PTPN3: variants seen among roughly 807,000 people sequenced by gnomAD.
PTPN3 encodes protein tyrosine phosphatase non-receptor type 3, also known as tyrosine-protein phosphatase non-receptor type 3.
A neutral mutation model predicts 132.7 loss-of-function variants in PTPN3; 96 were observed. The ratio of observed to expected loss-of-function variants is 0.72; its 90% CI spans 0.61 to 0.86. PTPN3 has a LOEUF of 0.86. Among genes scored for constraint, PTPN3 ranks in the 40% least tolerant of loss-of-function variants. The pLI, the probability that PTPN3 is intolerant of heterozygous loss-of-function variation, is 0.00. For missense variants in PTPN3, 1,125 were observed against 1,159.6 expected, an observed-to-expected ratio of 0.97 and a Z score of 0.43; for synonymous variants, 398 against 429.0, an observed-to-expected ratio of 0.93 and a Z score of 0.89.
At chr9:109,442,109 G>C (rs1844518755) in intron 7 of PTPN3, among the ~76,000 whole-genome samples, 1 of 151,832 alleles carries the variant, frequency 6.6e-6, no homozygotes, top group Admixed American at 6.6e-5. Flanking sequence ...GCACAGTGGT[G>C]CAATTATGGC....
At chr9:109,518,706 C>G in the PTPN3 span, among the ~76,000 whole-genome samples, 1 of 152,138 alleles carries the variant, frequency 6.6e-6, no homozygotes, top group Admixed American at 6.5e-5. Context: ...AAGTAAAGCT[C>G]TGGCTGGTAT....
At chr9:109,527,867 C>T in the PTPN3 span, among the ~76,000 whole-genome samples, 2 of 152,012 alleles carry the variant, frequency 1.3e-5, no homozygotes, top group African/African-American at 2.4e-5. Context: ...CACATATATC[C>T]GACAGAGGAC....
the PTPN3 span, among the ~76,000 whole-genome samples, chr9:109,517,618 G>A: frequency 6.6e-6 from 1 of 152,198 alleles, no homozygotes; most frequent in Non-Finnish European, 1.5e-5. Context: ...TTTTGATTTA[G>A]TAGGTCTGGG....
At chr9:109,473,489 C>G (rs933803374) in intron 1 of PTPN3, among the ~76,000 whole-genome samples, 3 of 152,086 alleles carry the variant, frequency 2.0e-5, no homozygotes, top group Non-Finnish European at 4.4e-5. Flanking sequence ...TTGATCCTGG[C>G]AGGGTAAGAA....
chr9:109,449,541 G>A (rs990668107), intron 5 of PTPN3: 36 of 985,426 alleles, frequency 3.7e-5, no homozygotes, highest in South Asian at 4.7e-5. Flanking sequence ...CCCTCAGCCT[G>A]TGACTTTGCT....
Position 109,438,249 on chromosome 9 carries a change from G to C in PTPN3, c.467-15C>G, listed in dbSNP as rs758132534. ...TCCAAAATGAGCTATCAAGACAGAA[G>C]AAGGGGAAAATCATAATTAGTTTTG... On this transcript the variant is annotated splice_polypyrimidine_tract_variant and intron_variant, in intron 7 of 25. Coordinates refer to ENST00000374541, the MANE Select transcript of PTPN3 (RefSeq NM_002829.4). 6.2e-7 allele frequency: 1 copy of C among 1,603,868 alleles called. No homozygotes were observed. Among genetic ancestry groups the C allele is most frequent in the Admixed American group, 1.7e-5 (1 of 57,688 alleles).
At chr9:109,404,328 C>T (rs2131718459) in intron 19 of PTPN3, 120 bp downstream of exon 19, 1 of 763,824 alleles carries the variant, frequency 1.3e-6, no homozygotes, top group African/African-American at 1.8e-5. Flanking sequence ...GTGAAACACA[C>T]AATCATCTCG....
chr9:109,384,214 C>A (rs1048818944), intron 22 of PTPN3, among the ~76,000 whole-genome samples: 8 of 152,146 alleles, frequency 5.3e-5, no homozygotes, highest in African/African-American at 1.9e-4. Flanking sequence ...ACTTCTGTTG[C>A]TGTCATGGGT....
At chr9:109,496,409 G>C (rs1847670592) in intron 1 of PTPN3, among the ~76,000 whole-genome samples, 1 of 152,218 alleles carries the variant, frequency 6.6e-6, no homozygotes, top group African/African-American at 2.4e-5. Context: ...CAAAGGGACA[G>C]GCAGCTTGAT....
chr9:109,513,678 A>G, the PTPN3 span, among the ~76,000 whole-genome samples: 1 of 151,538 alleles, frequency 6.6e-6, no homozygotes, highest in Non-Finnish European at 1.5e-5. Flanking sequence ...AAAGCTGTTT[A>G]CTCCTGGACA....
At chr9:109,479,895 T>G (rs1846879777) in intron 1 of PTPN3, among the ~76,000 whole-genome samples, 1 of 152,182 alleles carries the variant, frequency 6.6e-6, no homozygotes, top group Non-Finnish European at 1.5e-5. Flanking sequence ...TTTTGGGGAA[T>G]AATCAGATTG....
the PTPN3 span, chr9:109,533,579 C>T: frequency 1.3e-6 from 2 of 1,591,336 alleles, no homozygotes; most frequent in East Asian, 2.2e-5. Context: ...CTGTCTTTGG[C>T]GAGGAGGGCC....
At position 109,400,107 on chromosome 9, in the gene PTPN3, T is replaced by C. The variant is rs549229314; in HGVS notation, c.1953+4341A>G. Among the ~76,000 whole-genome samples the C allele has an allele frequency of 1.1e-3, 163 of 152,232 alleles. 2 individuals are homozygous for C. The highest frequency in any genetic ancestry group is 4.1e-4 in the South Asian group (2 of 4,824). On this transcript the variant is annotated intron_variant, in intron 19 of 25. Coordinates refer to ENST00000374541, the MANE Select transcript of PTPN3 (RefSeq NM_002829.4). ...CATGGCTGGCTAATTTTTTTATGTT[T>C]AGTAGAGATGAGGTCTTGTTATGTT...
intron 1 of PTPN3, among the ~76,000 whole-genome samples, chr9:109,486,231 C>T (rs1216695593): frequency 2.0e-5 from 3 of 152,136 alleles, no homozygotes. Context: ...ACTTGGGAAG[C>T]CCTGGCTTAT....
intron 1 of PTPN3, among the ~76,000 whole-genome samples, chr9:109,467,881 C>G (rs1846177321): frequency 6.6e-6 from 1 of 152,148 alleles, no homozygotes; most frequent in Non-Finnish European, 1.5e-5. Context: ...TTTCTCACAC[C>G]CATCTCTGAT....
At chr9:109,384,502 G>A (rs886196885) in intron 22 of PTPN3, among the ~76,000 whole-genome samples, 1 of 152,132 alleles carries the variant, frequency 6.6e-6, no homozygotes, top group Non-Finnish European at 1.5e-5. Flanking sequence ...TGTGCTGTCC[G>A]CACAGACGGG....
At chr9:109,438,299 T>C (rs1332663038) in intron 7 of PTPN3, 65 bp from the exon 8 acceptor site, 21 of 1,510,240 alleles carry the variant, frequency 1.4e-5, no homozygotes, top group East Asian at 2.3e-5. Context: ...TTTGCATTTA[T>C]AAGCATCTAC....
At chr9:109,516,763 A>G in the PTPN3 span, among the ~76,000 whole-genome samples, 1 of 152,184 alleles carries the variant, frequency 6.6e-6, no homozygotes, top group Non-Finnish European at 1.5e-5. Context: ...TGCACTAATA[A>G]AAGGGAACAA....
intron 14 of PTPN3, among the ~76,000 whole-genome samples, chr9:109,419,424 T>G (rs572053668): frequency 2.4e-4 from 36 of 152,178 alleles, no homozygotes; most frequent in Non-Finnish European, 4.6e-4. Context: ...AGGGGGGCCA[T>G]TATCTTACTA....
Sources: allele counts gnomAD v4.1 joint callset (sites outside exome capture counted in the v4.1 genomes callset), GRCh38; gene constraint gnomAD v4.1.1; transcripts MANE v1.5; gene names NCBI Gene and HGNC (gene_info 2026-07-23, HGNC 2026-07-21).